The following MED1 variants were observed in gnomAD, a reference collection of about 807,000 sequenced individuals.
MED1 encodes mediator complex subunit 1, also known as mediator of RNA polymerase II transcription subunit 1.
Under a neutral mutation model 121.3 loss-of-function variants are expected in MED1, and 17 were observed. That is an observed-to-expected ratio of 0.14 (90% CI 0.10 to 0.21). The LOEUF is 0.21. Ranked by LOEUF, MED1 falls within the 10% of genes least tolerant of loss-of-function variation. MED1 has a pLI of 1.00. For missense variants in MED1, 1,558 were observed against 1,919.4 expected, an observed-to-expected ratio of 0.81 and a Z score of 3.52; for synonymous variants, 661 against 694.4, an observed-to-expected ratio of 0.95 and a Z score of 0.76.
At chr17:39,436,373 A>G (rs1424775191) in intron 6 of MED1, among the ~76,000 whole-genome samples, 2 of 151,538 alleles carry the variant, frequency 1.3e-5, no homozygotes, top group South Asian at 2.1e-4. Flanking sequence ...AAAAAAGAAA[A>G]AAAAAAAAAA....
Position 39,408,145 on chromosome 17 carries a change from T to A in MED1, c.4076A>T (p.Asp1359Val). The A allele has an allele frequency of 6.2e-7, 1 of 1,614,084 alleles. No homozygotes were observed. The highest frequency in any genetic ancestry group is 8.5e-7 in the Non-Finnish European group (1 of 1,180,048). Residue 1359 changes from aspartate (D) to valine (V), a missense_variant, in exon 17 of 17, where the codon GAT (aspartate) becomes GTT (valine). Asp to Val is a radical substitution (Grantham distance 152). Coordinates refer to ENST00000300651, the MANE Select transcript of MED1 (RefSeq NM_004774.4). This position sits in a 1 kb window ranked among gnomAD's most constrained non-coding sequence, Gnocchi z 4.7. ...GGTGGAAACCTTTGATTTGTCTTTA[T>A]CACTTTTCTCACGCTTGCCCTGAAA... ...GEFQGKREKS[D>V]KDKSKVSTSG...
intron 16 of MED1, among the ~76,000 whole-genome samples, chr17:39,411,771 G>A (rs949546029): frequency 3.3e-5 from 5 of 151,920 alleles, no homozygotes; most frequent in South Asian, 2.1e-4. Flanking sequence ...AGGCCGAGGC[G>A]GGTGGATCAC....
At chr17:39,433,527 C>CTATATA (rs149231162) in intron 7 of MED1, among the ~76,000 whole-genome samples, 1,949 of 144,348 alleles carry the variant, frequency 0.014, 42 homozygotes, top group African/African-American at 0.048. Context: ...TTTTTTGTTA[C>CTATATA]TATATATATA....
At chr17:39,421,344 G>A (rs970842702) in intron 13 of MED1, among the ~76,000 whole-genome samples, 1 of 151,598 alleles carries the variant, frequency 6.6e-6, no homozygotes, top group Admixed American at 6.6e-5. Flanking sequence ...AAGGTCAAGA[G>A]ATAAAGACCA....
intron 10 of MED1, among the ~76,000 whole-genome samples, chr17:39,426,038 G>A (rs1021903121): frequency 4.6e-5 from 7 of 151,836 alleles, no homozygotes; most frequent in East Asian, 1.9e-4. Context: ...AGGCCAAGGC[G>A]GGAGGATGGC....
At chr17:39,414,428 C>T (rs1416991123) in intron 16 of MED1, among the ~76,000 whole-genome samples, 2 of 151,324 alleles carry the variant, frequency 1.3e-5, no homozygotes, top group African/African-American at 2.4e-5. Context: ...CTCCACCTCC[C>T]GGGATCATGC....
At position 39,410,032 on chromosome 17, in the gene MED1, G is replaced by C. The variant is rs1420957213; in HGVS notation, c.2189C>G (p.Ala730Gly). ...QNPIFDVNMT[A>G]DTLDTPHITP... ...GATGTGTGGCGTATCCAGCGTGTCA[G>C]CTGTCATGTTGACATCAAAGATAGG... The change falls in exon 17 of 17, where the codon GCT (alanine) becomes GGT (glycine). Residue 730 changes from alanine (A) to glycine (G), a missense_variant. By Grantham distance (60) the Ala-to-Gly change is moderately conservative. Around this residue, in one of 5 missense-constraint regions of MED1, gnomAD observed 793 missense variants for 898.2 expected, o/e 0.88. Transcript: ENST00000300651. The C allele has an allele frequency of 6.2e-7, 1 of 1,614,158 alleles. No homozygotes were observed. Among genetic ancestry groups the C allele is most frequent in the Middle Eastern group, 1.6e-4 (1 of 6,062 alleles).
In MED1 at chr17:39,415,114, C is replaced by G; in HGVS notation, c.1411G>C (p.Asp471His). ...AGTTTACAGCTCACATGTGTTGAGT[C>G]CTGCACATCCATTACCACTGAAAGA... is the stretch of plus-strand genomic sequence containing the variant. The part of the protein sequence containing the change: ...SLVCVVMDVQ[D>H]STHVSCKLYK... The change falls in exon 16 of 17, where the codon GAC (aspartate) becomes CAC (histidine). Residue 471 changes from aspartate to histidine, a missense_variant. Physicochemically the swap from Asp to His is moderately conservative, Grantham distance 81 (BLOSUM62 -1). This residue lies in a region of MED1 where 50 missense variants were observed against 134.5 expected (regional missense o/e 0.37). Transcript: ENST00000300651. 6.2e-7 allele frequency: 1 copy of G among 1,613,944 alleles called. No homozygotes were observed. Among genetic ancestry groups the G allele is most frequent in the Non-Finnish European group, 8.5e-7 (1 of 1,179,870 alleles).
chr17:39,450,569 A>C (rs1221368061), intron 1 of MED1, among the ~76,000 whole-genome samples: 1 of 152,202 alleles, frequency 6.6e-6, no homozygotes, highest in Admixed American at 6.6e-5. Flanking sequence ...TCGGTCAATA[A>C]AAGAACGAAA....
chr17:39,424,385 A>G (rs997793507), intron 11 of MED1, among the ~76,000 whole-genome samples: 6 of 152,108 alleles, frequency 3.9e-5, no homozygotes, highest in African/African-American at 1.4e-4. Flanking sequence ...AAAAGGGGGC[A>G]CTCATTAAGC....
Position 39,443,588 on chromosome 17 carries a change from A to G in MED1, c.173T>C (p.Leu58Ser), listed in dbSNP as rs2048699232. The G allele has an allele frequency of 6.2e-7, 1 of 1,614,058 alleles. No individual in the cohort carries two copies. Among genetic ancestry groups the G allele is most frequent in the Non-Finnish European group, 8.5e-7 (1 of 1,179,964 alleles). Residue 58 changes from leucine to serine, a missense_variant, in exon 3 of 17, where the codon TTG becomes TCG. Physicochemically the swap from Leu to Ser is moderately radical, Grantham distance 145. Coordinates refer to ENST00000300651, the MANE Select transcript of MED1 (RefSeq NM_004774.4). ...VVMSSGGHQH[L>S]VSCLETLQKA... ...CTGCAATGTCTCCAAACAGCTGACC[A>G]AATGTTGATGCCCTCCAGAACTCAT... is the stretch of plus-strand genomic sequence containing the variant.
Position 39,406,471 on chromosome 17 carries a change from G to A in MED1, c.*1004C>T, listed in dbSNP as rs2048304498. 1.0e-6 allele frequency: 1 copy of A among 985,038 alleles called. No individual in the cohort carries two copies. The highest frequency in any genetic ancestry group is 1.8e-5 in the African/African-American group (1 of 57,066). 61.0% of individuals were successfully genotyped at this position (985,038 alleles called of 1,614,324 possible). A position where few individuals can be genotyped will look rare whatever the true frequency, so the allele number is the denominator to read the frequency against. ...TAGGAGAACTATTAATCCTGTAATG[G>A]TTTTCATGCCACTGGGTCAGGAAGG... is the stretch of plus-strand genomic sequence containing the variant. On this transcript the variant is annotated 3_prime_UTR_variant, in exon 17 of 17. Transcript: ENST00000300651.
At chr17:39,411,179 C>T (rs988777659) in intron 16 of MED1, among the ~76,000 whole-genome samples, 2 of 152,052 alleles carry the variant, frequency 1.3e-5, no homozygotes, top group Non-Finnish European at 2.9e-5. Flanking sequence ...ATTAGCTGGG[C>T]GTGGTGGCGC....
intron 8 of MED1, 62 bp from the exon 9 acceptor site, chr17:39,431,250 T>A: frequency 7.6e-7 from 1 of 1,317,504 alleles, no homozygotes. Context: ...GTACACACTG[T>A]GATATTGAGT....
intron 8 of MED1, 145 bp from the exon 9 acceptor site, chr17:39,431,333 A>G: frequency 1.6e-6 from 1 of 608,840 alleles, no homozygotes; most frequent in Non-Finnish European, 2.8e-6. Flanking sequence ...GCTGAAGTGC[A>G]GTGGTACAAT....
At chr17:39,435,860 C>T (rs2048613514) in intron 6 of MED1, among the ~76,000 whole-genome samples, 1 of 152,036 alleles carries the variant, frequency 6.6e-6, no homozygotes, top group Non-Finnish European at 1.5e-5. Flanking sequence ...CACCACCACA[C>T]CCGGCTAATT....
In MED1 at chr17:39,447,842, T is replaced by C; in HGVS notation, c.88A>G (p.Asn30Asp). The C allele has an allele frequency of 6.2e-7, 1 of 1,613,910 alleles. No homozygotes were observed. The highest frequency in any genetic ancestry group is 8.5e-7 in the Non-Finnish European group (1 of 1,179,840). Residue 30 changes from asparagine to aspartate, a missense_variant, in exon 2 of 17, where the codon AAT (asparagine) becomes GAT (aspartate). By Grantham distance (23) the Asn-to-Asp change is conservative (BLOSUM62 1). This residue lies in a region of MED1 where 443 missense variants were observed against 532.4 expected (regional missense o/e 0.83). Transcript: ENST00000300651. ...TTAATGGTTTCACTCCAGGGTCTAT[T>C]TTGGTTAAATTTTGCATGGAGCCGT... The part of the protein sequence containing the change: ...LERLHAKFNQ[N>D]RPWSETIKLV...
chr17:39,438,597 C>T (rs1179272819), intron 6 of MED1, among the ~76,000 whole-genome samples: 1 of 151,322 alleles, frequency 6.6e-6, no homozygotes, highest in Non-Finnish European at 1.5e-5. Flanking sequence ...ATGATCCACC[C>T]GCCTCAGCCT....
chr17:39,412,213 A>G (rs1555541134), intron 16 of MED1, among the ~76,000 whole-genome samples: 1 of 150,648 alleles, frequency 6.6e-6, no homozygotes, highest in Non-Finnish European at 1.5e-5. Flanking sequence ...AACATATGTC[A>G]GCAAATTTTT....
Sources: gnomAD v4.1 joint callset for allele counts (sites outside exome capture counted in the v4.1 genomes callset) on GRCh38, gnomAD v4.1.1 for gene constraint, gnomAD v4.1.1 regional missense constraint, Gnocchi (gnomAD v3.1) non-coding constraint, MANE v1.5 for transcripts, NCBI Gene and HGNC (gene_info 2026-07-23, HGNC 2026-07-21) for gene names.